KCNMB2: variants seen among roughly 807,000 people sequenced by gnomAD.
KCNMB2 encodes calcium-activated potassium channel subunit beta-2.
Under a neutral mutation model 24.5 loss-of-function variants are expected in KCNMB2, and 9 were observed. The observed-to-expected ratio is 0.37, with a 90% CI of 0.22 to 0.64. The LOEUF (loss-of-function observed/expected upper bound fraction) is 0.64. KCNMB2 is among the 30% of genes least tolerant of loss of function. The pLI, the probability that KCNMB2 is intolerant of heterozygous loss-of-function variation, is 0.63. For missense variants in KCNMB2, 226 were observed against 284.3 expected, an observed-to-expected ratio of 0.79 and a Z score of 1.47; for synonymous variants, 109 against 104.4, an observed-to-expected ratio of 1.04 and a Z score of -0.27.
intron 4 of KCNMB2, among the ~76,000 whole-genome samples, chr3:178,838,142 T>TA (rs1715299543): frequency 6.6e-6 from 1 of 152,156 alleles, no homozygotes; most frequent in South Asian, 2.1e-4. Flanking sequence ...CTAAAAATGT[T>TA]AAAGAAATGA....
chr3:178,725,635 T>A (rs547918191), intron 1 of KCNMB2, among the ~76,000 whole-genome samples: 1 of 152,208 alleles, frequency 6.6e-6, no homozygotes, highest in South Asian at 2.1e-4. Flanking sequence ...CTTTTCAACT[T>A]GTTAAAGTTT....
intron 4 of KCNMB2, among the ~76,000 whole-genome samples, chr3:178,835,796 C>T (rs1358576625): frequency 2.0e-5 from 3 of 152,024 alleles, no homozygotes; most frequent in Admixed American, 1.3e-4. Flanking sequence ...ACATGTGTGG[C>T]CCACCTCTAT....
At chr3:178,596,648 T>C (rs1352402845) in intron 1 of KCNMB2, among the ~76,000 whole-genome samples, 2 of 151,940 alleles carry the variant, frequency 1.3e-5, no homozygotes, top group African/African-American at 4.8e-5. Context: ...AGTCAACAAG[T>C]TTTTCCATGG....
chr3:178,831,104 C>T (rs1476726845), intron 4 of KCNMB2, among the ~76,000 whole-genome samples: 1 of 84,202 alleles, frequency 1.2e-5, no homozygotes, highest in African/African-American at 9.4e-5. Context: ...GATCAAGTTT[C>T]TTTTTTGTTT....
chr3:178,841,992 C>T (rs1010999729), intron 4 of KCNMB2, among the ~76,000 whole-genome samples: 7 of 152,286 alleles, frequency 4.6e-5, no homozygotes, highest in African/African-American at 1.7e-4. Flanking sequence ...TTTTATTTTT[C>T]CTTGGCTTAT....
intron 1 of KCNMB2, among the ~76,000 whole-genome samples, chr3:178,680,502 C>T (rs1001655862): frequency 6.6e-6 from 1 of 152,100 alleles, no homozygotes; most frequent in African/African-American, 2.4e-5. Context: ...GCAGGAAAAT[C>T]AAGACACAGC....
chr3:178,617,488 G>A (rs1200559477), intron 1 of KCNMB2, among the ~76,000 whole-genome samples: 1 of 151,890 alleles, frequency 6.6e-6, no homozygotes, highest in Non-Finnish European at 1.5e-5. Flanking sequence ...AACCCGGGAG[G>A]TGGAGGTTGC....
chr3:178,720,331 T>C (rs1160176290), intron 1 of KCNMB2, among the ~76,000 whole-genome samples: 22 of 148,362 alleles, frequency 1.5e-4, no homozygotes, highest in African/African-American at 5.6e-4. Context: ...TATGGCTGCA[T>C]AGTATTCCAT....
At chr3:178,759,333 A>ATC (rs1553774994) in intron 1 of KCNMB2, among the ~76,000 whole-genome samples, 4 of 58,264 alleles carry the variant, frequency 6.9e-5, no homozygotes, top group Non-Finnish European at 1.4e-4. Context: ...ATATATATAT[A>ATC]TCTCCAAGAG....
At chr3:178,539,161 C>T (rs1026623345) in intron 1 of KCNMB2, among the ~76,000 whole-genome samples, 7 of 152,066 alleles carry the variant, frequency 4.6e-5, no homozygotes, top group Non-Finnish European at 1.0e-4. Flanking sequence ...AGATATTGGA[C>T]CAGATATTTC....
At chr3:178,781,789 T>C (rs999163245) in intron 1 of KCNMB2, among the ~76,000 whole-genome samples, 1 of 151,762 alleles carries the variant, frequency 6.6e-6, no homozygotes, top group Admixed American at 6.6e-5. Flanking sequence ...AACCGCTTTT[T>C]TTTTTCTTTT....
chr3:178,545,123 G>A (rs1715735261), intron 1 of KCNMB2, among the ~76,000 whole-genome samples: 1 of 152,054 alleles, frequency 6.6e-6, no homozygotes, highest in African/African-American at 2.4e-5. Context: ...CTTATAGAAG[G>A]GGAAGGAAAG....
chr3:178,665,116 A>G (rs1720671204), intron 1 of KCNMB2, among the ~76,000 whole-genome samples: 1 of 152,118 alleles, frequency 6.6e-6, no homozygotes, highest in Non-Finnish European at 1.5e-5. Context: ...TTGTTTGCTG[A>G]CAGACAAGTT....
At chr3:178,807,188 G>C (rs902710274) in intron 1 of KCNMB2, 155 bp from the exon 2 acceptor site, 22 of 440,652 alleles carry the variant, frequency 5.0e-5, no homozygotes, top group African/African-American at 1.4e-4. Flanking sequence ...GAGAGGACCA[G>C]GCTCTAGTGT....
intron 1 of KCNMB2, among the ~76,000 whole-genome samples, chr3:178,750,083 CT>C (rs1189573633): frequency 6.6e-6 from 1 of 152,138 alleles, no homozygotes; most frequent in African/African-American, 2.4e-5. Flanking sequence ...CCATTAACCA[CT>C]TTTAGAGCTC....
chr3:178,566,219 T>C (rs943215188), intron 1 of KCNMB2, among the ~76,000 whole-genome samples: 2 of 152,226 alleles, frequency 1.3e-5, no homozygotes, highest in African/African-American at 4.8e-5. Context: ...CTTTCTCAGG[T>C]ATAATATTAG....
At chr3:178,746,716 C>T (rs1723681801) in intron 1 of KCNMB2, among the ~76,000 whole-genome samples, 1 of 152,156 alleles carries the variant, frequency 6.6e-6, no homozygotes, top group East Asian at 1.9e-4. Flanking sequence ...ACCAGATAAC[C>T]TAAATCATCT....
chr3:178,545,484 T>C (rs1715744355), intron 1 of KCNMB2, among the ~76,000 whole-genome samples: 2 of 152,182 alleles, frequency 1.3e-5, no homozygotes, highest in Non-Finnish European at 2.9e-5. Flanking sequence ...AAGTTAAAAA[T>C]AGCCAGCAAT....
chr3:178,644,122 C>A (rs113639840), intron 1 of KCNMB2, among the ~76,000 whole-genome samples: 1 of 152,184 alleles, frequency 6.6e-6, no homozygotes, highest in Non-Finnish European at 1.5e-5. Flanking sequence ...TAATACCCTC[C>A]GAGCAAGGCA....
Sources: allele counts gnomAD v4.1 joint callset (sites outside exome capture counted in the v4.1 genomes callset), GRCh38; gene constraint gnomAD v4.1.1; transcripts MANE v1.5; gene names NCBI Gene and HGNC (gene_info 2026-07-23, HGNC 2026-07-21).